Variants in LRRTM4 observed in about 807,000 individuals in gnomAD.
The protein encoded by LRRTM4 is leucine-rich repeat transmembrane neuronal protein 4.
In LRRTM4, 25 loss-of-function variants were observed where a neutral mutation model predicts 47.6. That is an observed-to-expected ratio of 0.53 (90% CI 0.38 to 0.73). The LOEUF (loss-of-function observed/expected upper bound fraction) is 0.73, where lower values mean the gene tolerates loss of function less well. LRRTM4 is among the 30% of genes least tolerant of loss of function. The pLI is 0.00. For missense variants in LRRTM4, 638 were observed against 713.4 expected, an observed-to-expected ratio of 0.89 and a Z score of 1.20; for synonymous variants, 311 against 269.5, an observed-to-expected ratio of 1.15 and a Z score of -1.51.
At chr2:76,964,025 T>C (rs1675945764) in intron 3 of LRRTM4, among the ~76,000 whole-genome samples, 1 of 150,996 alleles carries the variant, frequency 6.6e-6, no homozygotes, top group Non-Finnish European at 1.5e-5. Context: ...AAATATATTA[T>C]CAAATTTTAA....
At chr2:77,492,826 T>C (rs962675856) in intron 3 of LRRTM4, among the ~76,000 whole-genome samples, 19 of 152,080 alleles carry the variant, frequency 1.2e-4, no homozygotes, top group African/African-American at 4.6e-4. Context: ...ATTAGGATAG[T>C]TAATGTATTG....
chr2:77,493,335 T>C (rs899533212), intron 3 of LRRTM4, among the ~76,000 whole-genome samples: 2 of 152,024 alleles, frequency 1.3e-5, no homozygotes, highest in African/African-American at 4.8e-5. Flanking sequence ...AGACGAAGCA[T>C]TATATTCAAT....
At chr2:76,795,829 G>A (rs1212633903) in intron 3 of LRRTM4, among the ~76,000 whole-genome samples, 2 of 152,028 alleles carry the variant, frequency 1.3e-5, no homozygotes, top group African/African-American at 4.8e-5. Flanking sequence ...TGGCCAAATA[G>A]GAACAGCTCC....
chr2:77,224,136 C>G (rs540219239), intron 3 of LRRTM4, among the ~76,000 whole-genome samples: 16 of 151,280 alleles, frequency 1.1e-4, no homozygotes, highest in African/African-American at 3.9e-4. Flanking sequence ...ATAAATGGTG[C>G]TGGGAAAACT....
chr2:77,518,544 A>G lies in LRRTM4; in HGVS notation c.1325T>C (p.Val442Ala). The G allele has an allele frequency of 6.2e-7, 1 of 1,613,380 alleles. No individual in the cohort carries two copies. Among genetic ancestry groups the G allele is most frequent in the Non-Finnish European group, 8.5e-7 (1 of 1,179,602 alleles). Residue 442 changes from valine to alanine, a missense_variant, in exon 3 of 4, where the codon GTG (valine) becomes GCG (alanine). Coordinates refer to ENST00000409884, the MANE Select transcript of LRRTM4 (RefSeq NM_001134745.3). The part of the protein sequence containing the change: ...LFLSVAMILL[V>A]IYVSWKRYPA... ...GTAGCGTTTCCAAGACACATAGATC[A>G]CCAAGAGGATCATGGCCACTGAGAG...
chr2:77,037,718 TTTTA>T (rs1484463381), intron 3 of LRRTM4, among the ~76,000 whole-genome samples: 1 of 151,614 alleles, frequency 6.6e-6, no homozygotes, highest in East Asian at 1.9e-4. Flanking sequence ...ATTAGACACA[TTTTA>T]TTTGTTTGGT....
At chr2:77,151,129 G>C (rs1672407633) in intron 3 of LRRTM4, among the ~76,000 whole-genome samples, 2 of 151,984 alleles carry the variant, frequency 1.3e-5, no homozygotes, top group Admixed American at 1.3e-4. Flanking sequence ...GTGTGTGTGT[G>C]TGTGTGTGTG....
chr2:77,512,116 T>C (rs1679041687), intron 3 of LRRTM4, among the ~76,000 whole-genome samples: 1 of 152,098 alleles, frequency 6.6e-6, no homozygotes, highest in African/African-American at 2.4e-5. Context: ...CCATATTACC[T>C]GGCCTCCCTT....
intron 3 of LRRTM4, among the ~76,000 whole-genome samples, chr2:76,797,784 A>T (rs1675428324): frequency 6.7e-6 from 1 of 150,212 alleles, no homozygotes; most frequent in Non-Finnish European, 1.5e-5. Flanking sequence ...TACCAAGCCA[A>T]TGGAAAACAA....
chr2:77,452,307 G>T (rs989593184), intron 3 of LRRTM4, among the ~76,000 whole-genome samples: 8 of 152,218 alleles, frequency 5.3e-5, no homozygotes, highest in African/African-American at 1.7e-4. Flanking sequence ...GACAAACTCA[G>T]CATATATTTA....
intron 3 of LRRTM4, among the ~76,000 whole-genome samples, chr2:77,209,758 C>A (rs1336774042): frequency 6.6e-6 from 1 of 152,134 alleles, no homozygotes; most frequent in Non-Finnish European, 1.5e-5. Flanking sequence ...ATGCTCTGAC[C>A]TGAATAATCA....
intron 3 of LRRTM4, among the ~76,000 whole-genome samples, chr2:77,107,693 C>T (rs1336177695): frequency 6.6e-6 from 1 of 151,788 alleles, no homozygotes; most frequent in African/African-American, 2.4e-5. Flanking sequence ...TGATGCATGC[C>T]TGTAATCCTA....
At chr2:77,160,111 T>C (rs924938966) in intron 3 of LRRTM4, among the ~76,000 whole-genome samples, 49 of 152,224 alleles carry the variant, frequency 3.2e-4, no homozygotes, top group African/African-American at 1.1e-3. Context: ...CTCACCTTTT[T>C]TGCCATGTCC....
chr2:76,882,859 C>T (rs1672970233), intron 3 of LRRTM4, among the ~76,000 whole-genome samples: 1 of 152,114 alleles, frequency 6.6e-6, no homozygotes, highest in Non-Finnish European at 1.5e-5. Flanking sequence ...GGAGTCCTGT[C>T]CCTCCTGTCT....
chr2:76,876,697 T>A (rs981731228), intron 3 of LRRTM4, among the ~76,000 whole-genome samples: 1 of 152,034 alleles, frequency 6.6e-6, no homozygotes, highest in African/African-American at 2.4e-5. Context: ...ACTATTAACA[T>A]GACTTTTAGA....
At chr2:77,510,597 T>A (rs1009977420) in intron 3 of LRRTM4, among the ~76,000 whole-genome samples, 1 of 152,068 alleles carries the variant, frequency 6.6e-6, no homozygotes, top group Non-Finnish European at 1.5e-5. Context: ...AAAATTAGTG[T>A]CTATGTAATT....
chr2:77,023,412 A>G (rs1678342966), intron 3 of LRRTM4, among the ~76,000 whole-genome samples: 1 of 152,220 alleles, frequency 6.6e-6, no homozygotes, highest in Non-Finnish European at 1.5e-5. Flanking sequence ...AAATACCTGC[A>G]GCTGGCTTGA....
At chr2:76,776,419 G>A (rs1307950483) in intron 3 of LRRTM4, among the ~76,000 whole-genome samples, 1 of 152,130 alleles carries the variant, frequency 6.6e-6, no homozygotes, top group East Asian at 1.9e-4. Context: ...TCCAGCACCT[G>A]TTGTTTCCTG....
chr2:76,916,403 A>AAAAAAAAAG (rs1674251119), intron 3 of LRRTM4, among the ~76,000 whole-genome samples: 2 of 138,510 alleles, frequency 1.4e-5, no homozygotes, highest in East Asian at 5.6e-4. Context: ...AAAAAAAAAA[A>AAAAAAAAAG]AAAAGAAAAG....
Sources: allele counts gnomAD v4.1 joint callset (sites outside exome capture counted in the v4.1 genomes callset), GRCh38; gene constraint gnomAD v4.1.1; transcripts MANE v1.5; gene names NCBI Gene and HGNC (gene_info 2026-07-23, HGNC 2026-07-21).